LRRC8E: variants seen among roughly 807,000 people sequenced by gnomAD.
LRRC8E encodes the protein leucine rich repeat containing 8 VRAC subunit E.
LRRC8E carries 6 observed loss-of-function variants against 6.1 expected under a neutral mutation model. The observed-to-expected ratio is 0.98, with a 90% CI of 0.54 to 1.93. The LOEUF is 1.93. LRRC8E is among the 30% of genes most tolerant of loss of function. The pLI is 0.01. For synonymous variants in LRRC8E, 485 were observed against 472.8 expected (o/e 1.03, Z -0.33); for missense variants, 1,028 against 1,031.4 (o/e 1.00, Z 0.04).
intron 1 of LRRC8E, among the ~76,000 whole-genome samples, chr19:7,892,422 C>A (rs1234830441): frequency 6.6e-6 from 1 of 151,342 alleles, no homozygotes; most frequent in East Asian, 2.0e-4. Context: ...GTTGTCCTGG[C>A]TGCTCAAACT....
Position 7,900,239 on chromosome 19 carries a change from G to C in LRRC8E, c.1717G>C (p.Val573Leu). 6.2e-7 allele frequency: 1 copy of C among 1,613,266 alleles called. No homozygotes were observed. The highest frequency in any genetic ancestry group is 8.5e-7 in the Non-Finnish European group (1 of 1,180,024). ...CCTGCACAACGATGGGGCCCGTCTG[G>C]TTGCCCTGAACAGCCTCAAGAAGCT... ...LSLHNDGARL[V>L]ALNSLKKLAA... The change falls in exon 3 of 3, where the codon GTT becomes CTT. Residue 573 changes from valine to leucine, a missense_variant. Coordinates refer to ENST00000306708, the MANE Select transcript of LRRC8E (RefSeq NM_025061.6). The surrounding 1 kb of genome is among the most constrained non-coding windows in gnomAD (Gnocchi z 5.0).
Position 7,899,435 on chromosome 19 carries a change from A to AAGGCCCACC in LRRC8E, c.914_922dup (p.His307_Leu308insGlnAlaHis). The AAGGCCCACC allele has an allele frequency of 6.2e-7, 1 of 1,614,088 alleles. No homozygotes were observed. The highest frequency in any genetic ancestry group is 8.5e-7 in the Non-Finnish European group (1 of 1,180,020). ...CGCCAGCTTCTGCTGCAACCACACC[A>AAGGCCCACC]AGGCCCACCTCTTCTCCAAGCTGGC... On this transcript the variant is annotated inframe_insertion, in exon 3 of 3. Coordinates refer to ENST00000306708, the MANE Select transcript of LRRC8E (RefSeq NM_025061.6).
At chr19:7,892,142 G>T (rs1213610262) in intron 1 of LRRC8E, among the ~76,000 whole-genome samples, 3 of 149,894 alleles carry the variant, frequency 2.0e-5, no homozygotes, top group Non-Finnish European at 4.4e-5. Flanking sequence ...GTGCAATCTT[G>T]GCTCACTGCA....
rs376958701 is a variant in LRRC8E, at chr19:7,900,268, G to C, written c.1746G>C (p.Ala582=). ...CCCTGAACAGCCTCAAGAAGCTGGC[G>C]GCATTGCGGGAGCTGGAGCTGGTGG... ...LVALNSLKKL[A]ALRELELVAC... Residue 582 remains alanine (A), a synonymous_variant, in exon 3 of 3, where the codon GCG becomes GCC. Coordinates refer to ENST00000306708, the MANE Select transcript of LRRC8E (RefSeq NM_025061.6). The surrounding 1 kb of genome is among the most constrained non-coding windows in gnomAD (Gnocchi z 5.0). 5.0e-6 allele frequency: 8 copies of C among 1,613,394 alleles called. No individual in the cohort carries two copies. In the African/African-American group the frequency reaches 8.0e-5, roughly 16 times the overall value.
At chr19:7,892,016 C>G (rs1044989198) in intron 1 of LRRC8E, among the ~76,000 whole-genome samples, 4 of 152,008 alleles carry the variant, frequency 2.6e-5, no homozygotes, top group Admixed American at 6.6e-5. Context: ...CCTCCCACCT[C>G]AGTCTTCCAA....
At chr19:7,890,840 G>T (rs916223787) in intron 1 of LRRC8E, among the ~76,000 whole-genome samples, 11 of 152,076 alleles carry the variant, frequency 7.2e-5, no homozygotes, top group Non-Finnish European at 1.5e-4. Flanking sequence ...TGGGATTATA[G>T]GTGCCCACCA....
In LRRC8E at chr19:7,899,330, C is replaced by T. The variant is rs770993213; in HGVS notation, c.808C>T (p.Leu270=). Residue 270 remains leucine, a synonymous_variant, in exon 3 of 3, where the codon CTG becomes TTG. Coordinates refer to ENST00000306708, the MANE Select transcript of LRRC8E (RefSeq NM_025061.6). ...VLKVCKFLAI[L]VYNLVYVEKI... ...GAAAGTGTGTAAGTTCCTGGCCATC[C>T]TGGTCTACAACCTGGTCTATGTGGA... is the stretch of plus-strand genomic sequence containing the variant. 1.9e-6 allele frequency: 3 copies of T among 1,614,234 alleles called. No individual in the cohort carries two copies. The highest frequency in any genetic ancestry group is 1.7e-6 in the Non-Finnish European group (2 of 1,180,044).
At position 7,900,738 on chromosome 19, in the gene LRRC8E, C is replaced by T. The variant is rs768718776; in HGVS notation, c.2216C>T (p.Pro739Leu). The change falls in exon 3 of 3, where the codon CCC (proline) becomes CTC (leucine). Residue 739 changes from proline to leucine, a missense_variant. By Grantham distance (98) the Pro-to-Leu change is moderately conservative (BLOSUM62 -3). Coordinates refer to ENST00000306708, the MANE Select transcript of LRRC8E (RefSeq NM_025061.6). This position sits in a 1 kb window ranked among gnomAD's most constrained non-coding sequence, Gnocchi z 5.0. ...GACAACCAGCTGAGCCAGCTCTCGC[C>T]CCACGTGGGTGCCCTCAGAGCCCTC... ...LGDNQLSQLSPHVGALRALSR... is the reference protein window; with the variant it reads ...LGDNQLSQLSLHVGALRALSR... 13 of 1,612,658 alleles carry T rather than the reference C, an allele frequency of 8.1e-6. No individual in the cohort carries two copies. The African/African-American group carries it at 1.2e-4, about 15-fold the overall frequency.
rs760539173 is a variant in LRRC8E, at chr19:7,900,320, G to A, written c.1798G>A (p.Ala600Thr). 25 of 1,613,208 alleles carry A rather than the reference G, an allele frequency of 1.5e-5. No homozygotes were observed. The highest frequency in any genetic ancestry group is 2.1e-5 in the Non-Finnish European group (25 of 1,180,016). The change falls in exon 3 of 3, where the codon GCA (alanine) becomes ACA (threonine). Residue 600 changes from alanine (A) to threonine (T), a missense_variant. Physicochemically the swap from Ala to Thr is moderately conservative, Grantham distance 58 (BLOSUM62 0). Transcript: ENST00000306708. The surrounding 1 kb of genome is among the most constrained non-coding windows in gnomAD (Gnocchi z 5.0). ...VACGLERIPH[A>T]VFSLGALQEL... ...CTGCGGGCTGGAGCGCATCCCCCAT[G>A]CAGTGTTCAGCCTGGGTGCGCTGCA... is the stretch of plus-strand genomic sequence containing the variant.
chr19:7,897,287 A>C (rs1219599632), intron 2 of LRRC8E, among the ~76,000 whole-genome samples: 1 of 150,950 alleles, frequency 6.6e-6, no homozygotes, highest in Non-Finnish European at 1.5e-5. Flanking sequence ...CTCCTGGCTT[A>C]GCCTCCCAAG....
In LRRC8E at chr19:7,895,752, C is replaced by A; in HGVS notation, c.138+11C>A. 1 of 1,610,706 alleles carries A rather than the reference C, an allele frequency of 6.2e-7. No individual in the cohort carries two copies. The highest frequency in any genetic ancestry group is 1.1e-5 in the South Asian group (1 of 91,004). ...GGCTGCACCCTCCAGGTGAGGCCCT[C>A]CCCTGGCAAGGGGGTGTGACCAGAG... On this transcript the variant is annotated intron_variant, in intron 2 of 2. Transcript: ENST00000306708. The surrounding 1 kb of genome is among the most constrained non-coding windows in gnomAD (Gnocchi z 4.7).
chr19:7,898,521 G>A (rs1981725776), intron 2 of LRRC8E, 140 bp from the exon 3 acceptor site: 1 of 723,552 alleles, frequency 1.4e-6, no homozygotes, highest in Non-Finnish European at 2.3e-6. Context: ...CACCATGCCC[G>A]GCTAATTTTG....
At position 7,899,332 on chromosome 19, in the gene LRRC8E, G is replaced by A. The variant is rs1981805383; in HGVS notation, c.810G>A (p.Leu270=). The change falls in exon 3 of 3, where the codon CTG becomes CTA. Residue 270 remains leucine, a synonymous_variant. Transcript: ENST00000306708. ...AAGTGTGTAAGTTCCTGGCCATCCT[G>A]GTCTACAACCTGGTCTATGTGGAGA... ...VLKVCKFLAI[L]VYNLVYVEKI... The A allele has an allele frequency of 1.2e-6, 2 of 1,614,084 alleles. No individual in the cohort carries two copies. The highest frequency in any genetic ancestry group is 1.7e-6 in the Non-Finnish European group (2 of 1,180,046).
intron 1 of LRRC8E, among the ~76,000 whole-genome samples, chr19:7,890,182 C>T (rs959179461): frequency 1.3e-4 from 20 of 152,130 alleles, no homozygotes; most frequent in Non-Finnish European, 2.6e-4. Context: ...TCTCACTCTC[C>T]CACCCTTCCC....
Position 7,900,048 on chromosome 19 carries a change from T to C in LRRC8E, c.1526T>C (p.Leu509Ser), listed in dbSNP as rs769864216. 9.9e-6 allele frequency: 16 copies of C among 1,611,102 alleles called. 2 individuals carry two copies. In the South Asian group the frequency reaches 1.8e-4, roughly 18 times the overall value. ...VPLWVFGLRG[L>S]EELHLEGLFP... ...CTTTGGGTGTTTGGGCTGCGGGGCT[T>C]GGAGGAGCTGCACCTGGAGGGGCTT... is the stretch of plus-strand genomic sequence containing the variant. The change falls in exon 3 of 3, where the codon TTG (leucine) becomes TCG (serine). Residue 509 changes from leucine (L) to serine (S), a missense_variant. Physicochemically the swap from Leu to Ser is moderately radical, Grantham distance 145. Coordinates refer to ENST00000306708, the MANE Select transcript of LRRC8E (RefSeq NM_025061.6). This position sits in a 1 kb window ranked among gnomAD's most constrained non-coding sequence, Gnocchi z 5.0.
Position 7,895,451 on chromosome 19 carries a change from AAGTGGGGGC to A in LRRC8E, c.-5-146_-5-138del, listed in dbSNP as rs1981526975. The A allele has an allele frequency of 4.4e-6, 4 of 912,102 alleles. No homozygotes were observed. In the East Asian group the frequency reaches 1.1e-4, roughly 24 times the overall value. The allele number at this position is 912,102 out of a possible 1,614,324, so 56.5% of individuals were successfully genotyped here. ...GGTGACTAAGGCCAGGCTAAGAGGGAAGTGGGGGCACACACTTTGGTGGTTTGGACAAGT... is the reference window on the plus strand; with the variant it reads ...GGTGACTAAGGCCAGGCTAAGAGGGAACACACTTTGGTGGTTTGGACAAGT... On this transcript the variant is annotated intron_variant, in intron 1 of 2. Transcript: ENST00000306708. The surrounding 1 kb of genome is among the most constrained non-coding windows in gnomAD (Gnocchi z 4.7).
Position 7,900,646 on chromosome 19 carries a change from C to T in LRRC8E, c.2124C>T (p.Tyr708=). 1 of 1,613,454 alleles carries T rather than the reference C, an allele frequency of 6.2e-7. No homozygotes were observed. The highest frequency in any genetic ancestry group is 1.3e-5 in the African/African-American group (1 of 75,078). The change falls in exon 3 of 3, where the codon TAC becomes TAT. Residue 708 remains tyrosine, a synonymous_variant. Transcript: ENST00000306708. This position sits in a 1 kb window ranked among gnomAD's most constrained non-coding sequence, Gnocchi z 5.0. ...LQNLQHLALS[Y]NALEALPEEL... ...ACCTACAGCACCTGGCCCTCTCCTACAATGCCCTGGAGGCCCTGCCCGAAG... is the reference window on the plus strand; with the variant it reads ...ACCTACAGCACCTGGCCCTCTCCTATAATGCCCTGGAGGCCCTGCCCGAAG...
At position 7,900,824 on chromosome 19, in the gene LRRC8E, G is replaced by T. The variant is rs763342551; in HGVS notation, c.2302G>T (p.Gly768Trp). 2.5e-5 allele frequency: 39 copies of T among 1,585,924 alleles called. No homozygotes were observed. Among genetic ancestry groups the T allele is most frequent in the Non-Finnish European group, 3.1e-5 (36 of 1,166,032 alleles). ...EALPEELGNC[G>W]GLKKAGLLVE... ...GCTGCCAGAAGAACTTGGCAACTGT[G>T]GGGGGCTCAAGAAGGCGGGGCTCCT... The change falls in exon 3 of 3, where the codon GGG (glycine) becomes TGG (tryptophan). Residue 768 changes from glycine to tryptophan, a missense_variant. Transcript: ENST00000306708. This position sits in a 1 kb window ranked among gnomAD's most constrained non-coding sequence, Gnocchi z 5.0.
intron 1 of LRRC8E, among the ~76,000 whole-genome samples, chr19:7,892,300 C>G (rs2145096641): frequency 6.6e-6 from 1 of 151,548 alleles, no homozygotes; most frequent in Non-Finnish European, 1.5e-5. Context: ...TCTCAATCTC[C>G]TGACCTCGTG....
Sources: gnomAD v4.1 joint callset for allele counts (sites outside exome capture counted in the v4.1 genomes callset) on GRCh38, gnomAD v4.1.1 for gene constraint, Gnocchi (gnomAD v3.1) non-coding constraint, MANE v1.5 for transcripts, NCBI Gene and HGNC (gene_info 2026-07-23, HGNC 2026-07-21) for gene names.